The following CDH13 variants were observed in gnomAD, a reference collection of about 807,000 sequenced individuals.
The protein encoded by CDH13 is cadherin-13.
Under a neutral mutation model 63.8 loss-of-function variants are expected in CDH13, and 24 were observed. That is an observed-to-expected ratio of 0.38 (90% CI 0.27 to 0.53). The LOEUF (loss-of-function observed/expected upper bound fraction) is 0.53, where lower values mean the gene tolerates loss of function less well. Among genes scored for constraint, CDH13 ranks in the 20% least tolerant of loss-of-function variants. The pLI is 0.85. For missense variants in CDH13, 1,049 were observed against 903.1 expected (o/e 1.16, Z -2.07); for synonymous variants, 503 against 355.3 (o/e 1.42, Z -4.67).
At chr16:83,075,044 T>C (rs1157124660) in intron 3 of CDH13, among the ~76,000 whole-genome samples, 1 of 152,202 alleles carries the variant, frequency 6.6e-6, no homozygotes, top group Non-Finnish European at 1.5e-5. Context: ...GTAAGATCTG[T>C]AGATAAACAT....
At chr16:83,535,699 G>A (rs189224874) in intron 7 of CDH13, among the ~76,000 whole-genome samples, 16 of 152,258 alleles carry the variant, frequency 1.1e-4, no homozygotes, top group African/African-American at 3.6e-4. Context: ...GTTTCCCCAA[G>A]ATATGATAAT....
chr16:82,666,382 A>G (rs1019265657), intron 1 of CDH13, among the ~76,000 whole-genome samples: 1 of 152,196 alleles, frequency 6.6e-6, no homozygotes, highest in South Asian at 2.1e-4. Context: ...ATCATGGACA[A>G]TGAGGCCACC....
At chr16:83,756,123 A>G (rs1308784428) in intron 11 of CDH13, among the ~76,000 whole-genome samples, 1 of 152,198 alleles carries the variant, frequency 6.6e-6, no homozygotes, top group African/African-American at 2.4e-5. Context: ...TATAAAAGAA[A>G]GTAAAACTAA....
At chr16:83,440,341 T>C (rs2072444597) in intron 6 of CDH13, among the ~76,000 whole-genome samples, 1 of 152,052 alleles carries the variant, frequency 6.6e-6, no homozygotes, top group South Asian at 2.1e-4. Flanking sequence ...CACACCCAAA[T>C]ATTTAGTTAG....
At chr16:83,583,343 C>T (rs184374477) in intron 7 of CDH13, among the ~76,000 whole-genome samples, 5 of 152,232 alleles carry the variant, frequency 3.3e-5, no homozygotes, top group Admixed American at 3.3e-4. Flanking sequence ...TTTGGGCGAC[C>T]ACCATTCAAC....
intron 7 of CDH13, among the ~76,000 whole-genome samples, chr16:83,511,004 C>A (rs368426077): frequency 6.6e-6 from 1 of 152,242 alleles, no homozygotes; most frequent in African/African-American, 2.4e-5. Context: ...ATTGGTATTA[C>A]CATCTTCCCA....
chr16:83,388,040 C>G (rs184884699), intron 6 of CDH13, among the ~76,000 whole-genome samples: 54 of 152,202 alleles, frequency 3.5e-4, no homozygotes, highest in African/African-American at 1.3e-3. Context: ...AAAAGACCTC[C>G]TAGACATGAC....
chr16:83,033,021 G>C (rs1269918953), intron 3 of CDH13, among the ~76,000 whole-genome samples: 2 of 152,060 alleles, frequency 1.3e-5, no homozygotes, highest in Non-Finnish European at 2.9e-5. Context: ...GTATGTATAT[G>C]GTGCTGTATG....
chr16:83,210,364 C>T (rs1044847083), intron 4 of CDH13, among the ~76,000 whole-genome samples: 1 of 151,940 alleles, frequency 6.6e-6, no homozygotes, highest in Admixed American at 6.6e-5. Context: ...TGTGCCAGGC[C>T]GATTGCAAGT....
At chr16:83,133,734 A>G (rs1443717213) in intron 4 of CDH13, among the ~76,000 whole-genome samples, 1 of 152,150 alleles carries the variant, frequency 6.6e-6, no homozygotes, top group Non-Finnish European at 1.5e-5. Flanking sequence ...CCTGGCCTCA[A>G]GTGATCCACC....
chr16:83,781,784 G>T (rs957399039), intron 12 of CDH13, among the ~76,000 whole-genome samples: 2 of 151,670 alleles, frequency 1.3e-5, no homozygotes, highest in Non-Finnish European at 2.9e-5. Flanking sequence ...GGCGTGCAGA[G>T]GGGGGTGAGC....
chr16:83,037,382 C>T (rs1211732966), intron 3 of CDH13, among the ~76,000 whole-genome samples: 1 of 152,150 alleles, frequency 6.6e-6, no homozygotes, highest in East Asian at 1.9e-4. Flanking sequence ...CACTTTGCTG[C>T]TAGAAGGCTG....
chr16:83,671,764 A>G (rs1437129), intron 9 of CDH13, among the ~76,000 whole-genome samples: 54,993 of 152,012 alleles, frequency 0.36, 10,425 homozygotes, highest in East Asian at 0.51. Flanking sequence ...TTGCTAACTC[A>G]CACACTGACC....
In CDH13 at chr16:82,978,138, G is replaced by A. The variant is rs192222760; in HGVS notation, c.158-53872G>A. Among the ~76,000 whole-genome samples, 20 of 152,284 alleles carry A rather than the reference G, an allele frequency of 1.3e-4. No individual in the cohort carries two copies. The East Asian group carries it at 3.7e-3, about 28-fold the overall frequency. On this transcript the variant is annotated intron_variant, in intron 2 of 13. Coordinates refer to ENST00000567109, the MANE Select transcript of CDH13 (RefSeq NM_001257.5). ...ATCTGGCAGAATAAATCTCCAAGCA[G>A]CAGAGCCTTCAAGAGGTGGCTTGGG...
chr16:83,395,349 A>G (rs1023027154), intron 6 of CDH13, among the ~76,000 whole-genome samples: 1 of 151,918 alleles, frequency 6.6e-6, no homozygotes, highest in Non-Finnish European at 1.5e-5. Context: ...CAAATACTCA[A>G]GGCTCCTAGT....
chr16:83,496,098 A>C (rs2074136062), intron 7 of CDH13, among the ~76,000 whole-genome samples: 1 of 151,986 alleles, frequency 6.6e-6, no homozygotes, highest in African/African-American at 2.4e-5. Flanking sequence ...GGTAATTTAC[A>C]GATTCAGTGC....
intron 4 of CDH13, among the ~76,000 whole-genome samples, chr16:83,162,718 C>G (rs2037499922): frequency 6.6e-6 from 1 of 152,122 alleles, no homozygotes; most frequent in African/African-American, 2.4e-5. Flanking sequence ...CACCCTCTGA[C>G]ACACATACAC....
intron 4 of CDH13, among the ~76,000 whole-genome samples, chr16:83,170,550 GCTAT>G (rs1465839343): frequency 2.6e-5 from 4 of 152,098 alleles, no homozygotes; most frequent in Admixed American, 6.6e-5. Context: ...TTTCCGGACA[GCTAT>G]CTGTCAGTCT....
intron 7 of CDH13, among the ~76,000 whole-genome samples, chr16:83,587,033 G>T (rs570892142): frequency 7.9e-5 from 12 of 152,114 alleles, no homozygotes; most frequent in Non-Finnish European, 7.3e-5. Context: ...TCTCTCCGTG[G>T]GCTCCTTTCG....
Sources: gnomAD v4.1 joint callset for allele counts (sites outside exome capture counted in the v4.1 genomes callset) on GRCh38, gnomAD v4.1.1 for gene constraint, MANE v1.5 for transcripts, NCBI Gene and HGNC (gene_info 2026-07-23, HGNC 2026-07-21) for gene names.